The following FAHD2B variants were observed in gnomAD, a reference collection of about 807,000 sequenced individuals.
FAHD2B encodes the protein oxaloacetate tautomerase FAHD2B, mitochondrial.
A neutral mutation model predicts 33.7 loss-of-function variants in FAHD2B; 26 were observed. That is an observed-to-expected ratio of 0.77 (90% confidence interval 0.57 to 1.07). FAHD2B has a LOEUF of 1.07. FAHD2B is among the 50% of genes least tolerant of loss of function. The pLI, the probability that FAHD2B is intolerant of heterozygous loss-of-function variation, is 0.00. For missense variants in FAHD2B, 272 were observed against 388.1 expected, an observed-to-expected ratio of 0.70 and a Z score of 2.51; for synonymous variants, 108 against 150.9, an observed-to-expected ratio of 0.72 and a Z score of 2.08.
rs1293741565 is a variant in FAHD2B at position 97,083,941 on chromosome 2, A to T, written c.882+7T>A. On this transcript the variant is annotated splice_region_variant and intron_variant, in intron 8 of 8. Coordinates refer to ENST00000414820, the MANE Select transcript of FAHD2B (RefSeq NM_001320848.2). ...GCCCTTGCTCTCTTTGCTTTTCGCT[A>T]ACCTACCTTGAGAAAGACAGGAGGT... The T allele has an allele frequency of 1.2e-6, 2 of 1,613,826 alleles. No individual in the cohort carries two copies. Among genetic ancestry groups the T allele is most frequent in the East Asian group, 4.5e-5 (2 of 44,884 alleles).
At chr2:97,084,139 G>T (rs377270443) in intron 7 of FAHD2B, 30 bp downstream of exon 7, 2 of 1,613,236 alleles carry the variant, frequency 1.2e-6, no homozygotes, top group African/African-American at 2.7e-5. Context: ...CAGGTGGAGC[G>T]GGGCTGGCAG....
downstream of FAHD2B, chr2:97,083,026 G>C (rs2031711411): frequency 1.5e-5 from 17 of 1,111,908 alleles, no homozygotes; most frequent in Non-Finnish European, 2.1e-5. Context: ...TGCAAACACT[G>C]AGGTCTAAGG....
downstream of FAHD2B, chr2:97,080,955 G>A: frequency 3.3e-6 from 2 of 612,478 alleles, no homozygotes; most frequent in Middle Eastern, 4.0e-4. Context: ...AGACTTTGCT[G>A]AAGTTGCTTA....
intron 6 of FAHD2B, among the ~76,000 whole-genome samples, chr2:97,084,521 A>C (rs1323035759): frequency 2.6e-5 from 4 of 151,860 alleles, no homozygotes; most frequent in South Asian, 2.1e-4. Context: ...GATGTTCCAG[A>C]CTCTGAAGGA....
At chr2:97,081,256 C>G (rs1468249116), downstream of FAHD2B, 1 of 1,479,122 alleles carries the variant, frequency 6.8e-7, no homozygotes, top group East Asian at 2.4e-5. Flanking sequence ...AAAGGTCAGG[C>G]CTCCCCTACG....
At chr2:97,093,447 C>T (rs188918960) in intron 1 of FAHD2B, among the ~76,000 whole-genome samples, 2 of 149,926 alleles carry the variant, frequency 1.3e-5, no homozygotes, top group African/African-American at 4.9e-5. Flanking sequence ...ATTAAGTGCT[C>T]TACCTACAAT....
intron 4 of FAHD2B, among the ~76,000 whole-genome samples, chr2:97,089,518 A>G: frequency 3.7e-5 from 1 of 26,806 alleles, no homozygotes; most frequent in African/African-American, 8.4e-5. Context: ...ACTCTGTCTC[A>G]AAAAAAAAAA....
At chr2:97,080,670 A>G (rs891246818), downstream of FAHD2B, among the ~76,000 whole-genome samples, 22 of 152,064 alleles carry the variant, frequency 1.4e-4, no homozygotes, top group Non-Finnish European at 2.9e-4. Context: ...TCAATAAATT[A>G]CTTTGGGCAG....
chr2:97,081,471 G>T (rs1450006369), downstream of FAHD2B: 7 of 1,583,324 alleles, frequency 4.4e-6, no homozygotes, highest in African/African-American at 4.3e-5. Flanking sequence ...CTGTCAGGAG[G>T]TGCTGGACAG....
chr2:97,084,038 G>A lies in FAHD2B; in HGVS notation c.795-3C>T, dbSNP rs775815149. 17 of 1,613,452 alleles carry A rather than the reference G, an allele frequency of 1.1e-5. No homozygotes were observed. The African/African-American group carries it at 2.3e-4, about 22-fold the overall frequency. ...CCCCTGGGTAAAAGGTAACAAACCT[G>A]GAGCAAAGCAAAAGGACCCAGTGAG... On this transcript the variant is annotated splice_polypyrimidine_tract_variant and splice_region_variant and intron_variant, in intron 7 of 8. Coordinates refer to ENST00000414820, the MANE Select transcript of FAHD2B (RefSeq NM_001320848.2).
chr2:97,082,614 G>T, downstream of FAHD2B: 12 of 1,561,502 alleles, frequency 7.7e-6, no homozygotes, highest in Non-Finnish European at 9.7e-6. Flanking sequence ...TATCCCTCCC[G>T]GGGCTTCTTT....
chr2:97,080,495 T>C (rs2031604552), downstream of FAHD2B, among the ~76,000 whole-genome samples: 1 of 152,114 alleles, frequency 6.6e-6, no homozygotes, highest in Non-Finnish European at 1.5e-5. Context: ...TGTAGACCTG[T>C]AGTATAGTTT....
intron 4 of FAHD2B, among the ~76,000 whole-genome samples, chr2:97,087,852 T>A (rs540495430): frequency 6.6e-6 from 1 of 152,184 alleles, no homozygotes; most frequent in East Asian, 1.9e-4. Context: ...AAAATGGAAA[T>A]GCGTCTTCAC....
At chr2:97,093,276 C>T (rs1574385853) in intron 1 of FAHD2B, among the ~76,000 whole-genome samples, 1 of 152,118 alleles carries the variant, frequency 6.6e-6, no homozygotes, top group South Asian at 2.1e-4. Context: ...ACTGTTGTGG[C>T]CCGCCAGTTT....
At chr2:97,080,600 TA>T (rs1462562977), downstream of FAHD2B, among the ~76,000 whole-genome samples, 2 of 152,008 alleles carry the variant, frequency 1.3e-5, no homozygotes, top group African/African-American at 2.4e-5. Flanking sequence ...AATTTTAAAA[TA>T]TTTTTTTTTC....
In FAHD2B at chr2:97,091,679, G is replaced by A. The variant is rs370856399; in HGVS notation, c.28C>T (p.Leu10Phe). The A allele has an allele frequency of 6.2e-7, 1 of 1,613,162 alleles. No homozygotes were observed. The highest frequency in any genetic ancestry group is 1.3e-5 in the African/African-American group (1 of 75,026). Reference sequence around the variant, plus strand: ...TTCTGAGCCTGCAGCAGAGCTGTGAGTAATCTTCTTCTACCAGACACCAGC... The same window carrying A: ...TTCTGAGCCTGCAGCAGAGCTGTGAATAATCTTCTTCTACCAGACACCAGC... Reference protein sequence around the residue: MLVSGRRRLLTALLQAQKWP... With the variant: MLVSGRRRLFTALLQAQKWP... The change falls in exon 3 of 9, where the codon CTC (leucine) becomes TTC (phenylalanine). Residue 10 changes from leucine (L) to phenylalanine (F), a missense_variant. Leu to Phe is a conservative substitution (Grantham distance 22). Transcript: ENST00000414820.
downstream of FAHD2B, chr2:97,082,523 T>C: frequency 1.2e-6 from 2 of 1,605,586 alleles, no homozygotes; most frequent in Non-Finnish European, 8.5e-7. Context: ...TGGTGGCTGC[T>C]GCCCCCTGCC....
At chr2:97,082,420 T>C (rs2031679627), downstream of FAHD2B, 2 of 1,613,776 alleles carry the variant, frequency 1.2e-6, no homozygotes, top group Non-Finnish European at 1.7e-6. Flanking sequence ...ACAGACCAGC[T>C]GTTCCAGTTC....
intron 1 of FAHD2B, among the ~76,000 whole-genome samples, chr2:97,092,233 T>C (rs2032391106): frequency 6.6e-6 from 1 of 152,132 alleles, no homozygotes; most frequent in African/African-American, 2.4e-5. Flanking sequence ...TGAAACTGGC[T>C]TCACAGTGGC....
Sources: allele counts gnomAD v4.1 joint callset (sites outside exome capture counted in the v4.1 genomes callset), GRCh38; gene constraint gnomAD v4.1.1; transcripts MANE v1.5; gene names NCBI Gene and HGNC (gene_info 2026-07-23, HGNC 2026-07-21).